USP15: variants seen among roughly 807,000 people sequenced by gnomAD.
USP15 encodes ubiquitin specific peptidase 15.
A neutral mutation model predicts 127.1 loss-of-function variants in USP15; 18 were observed. The observed-to-expected ratio is 0.14, with a 90% CI of 0.10 to 0.21. The LOEUF (loss-of-function observed/expected upper bound fraction) is 0.21, where lower values mean the gene tolerates loss of function less well. Ranked by LOEUF, USP15 falls within the 10% of genes least tolerant of loss-of-function variation. The pLI, the probability that USP15 is intolerant of heterozygous loss-of-function variation, is 1.00. For missense variants in USP15, 805 were observed against 1,159.9 expected (o/e 0.69, Z 4.44); for synonymous variants, 364 against 393.7 (o/e 0.92, Z 0.89).
At chr12:62,379,686 A>G (rs548988621) in intron 8 of USP15, among the ~76,000 whole-genome samples, 1 of 152,234 alleles carries the variant, frequency 6.6e-6, no homozygotes, top group African/African-American at 2.4e-5. Context: ...AGCTGATCAA[A>G]TATAAGAAGC....
intron 3 of USP15, among the ~76,000 whole-genome samples, chr12:62,306,514 A>G (rs1334876846): frequency 1.3e-5 from 2 of 152,182 alleles, no homozygotes; most frequent in African/African-American, 4.8e-5. Flanking sequence ...ATACAGTGGT[A>G]GAGTAAGTTT....
intron 1 of USP15, among the ~76,000 whole-genome samples, chr12:62,269,362 G>A (rs2063286742): frequency 6.6e-6 from 1 of 151,994 alleles, no homozygotes; most frequent in Admixed American, 6.6e-5. Context: ...ATATATGTGT[G>A]TGTGTGTATA....
intron 8 of USP15, among the ~76,000 whole-genome samples, chr12:62,370,189 C>T (rs2066617801): frequency 6.6e-6 from 1 of 152,130 alleles, no homozygotes; most frequent in Non-Finnish European, 1.5e-5. Flanking sequence ...TCTCGGCCTC[C>T]CAAAGTGCTG....
intron 20 of USP15, among the ~76,000 whole-genome samples, chr12:62,397,705 A>C (rs187142916): frequency 6.6e-6 from 1 of 151,808 alleles, no homozygotes; most frequent in East Asian, 2.0e-4. Flanking sequence ...AAAAATACAA[A>C]AATTAGTTGG....
chr12:62,350,043 C>T (rs1030132705), intron 7 of USP15, among the ~76,000 whole-genome samples: 5 of 150,910 alleles, frequency 3.3e-5, no homozygotes, highest in African/African-American at 1.2e-4. Context: ...ATGTATAGTG[C>T]CTTTTATGGA....
chr12:62,371,797 G>A (rs931806763), intron 8 of USP15, among the ~76,000 whole-genome samples: 6 of 152,124 alleles, frequency 3.9e-5, no homozygotes, highest in South Asian at 4.1e-4. Flanking sequence ...GTATTTTGCT[G>A]TGGAGCTAAT....
At chr12:62,312,069 A>G (rs902183818) in intron 3 of USP15, among the ~76,000 whole-genome samples, 4 of 151,700 alleles carry the variant, frequency 2.6e-5, no homozygotes, top group African/African-American at 9.7e-5. Context: ...GTATTTATCT[A>G]CTTCTCTGTC....
intron 8 of USP15, among the ~76,000 whole-genome samples, chr12:62,366,815 T>C (rs2066489806): frequency 6.6e-6 from 1 of 152,198 alleles, no homozygotes; most frequent in East Asian, 1.9e-4. Flanking sequence ...ATTCATGTGG[T>C]TTTTGTCATT....
chr12:62,351,668 T>G (rs1437146640), intron 7 of USP15, among the ~76,000 whole-genome samples: 7 of 152,008 alleles, frequency 4.6e-5, no homozygotes, highest in South Asian at 2.1e-4. Flanking sequence ...AGTCTTAAGT[T>G]TGAATGATTC....
chr12:62,341,545 C>T (rs2065649630), intron 6 of USP15, among the ~76,000 whole-genome samples: 1 of 152,134 alleles, frequency 6.6e-6, no homozygotes, highest in African/African-American at 2.4e-5. Context: ...TTTAGTGCTT[C>T]CTTCAGGAAT....
intron 6 of USP15, chr12:62,336,723 A>G (rs2065478121): frequency 1.2e-5 from 2 of 164,050 alleles, no homozygotes; most frequent in South Asian, 2.0e-4. Context: ...TTTCTTTACT[A>G]TCTGACTGAA....
At chr12:62,347,015 T>C (rs1199859638) in intron 6 of USP15, among the ~76,000 whole-genome samples, 6 of 150,706 alleles carry the variant, frequency 4.0e-5, no homozygotes, top group Non-Finnish European at 6.0e-5. Flanking sequence ...GAATTTGTTA[T>C]CATACTTGTA....
intron 1 of USP15, among the ~76,000 whole-genome samples, chr12:62,290,604 T>C (rs1310598005): frequency 6.6e-6 from 1 of 152,232 alleles, no homozygotes; most frequent in East Asian, 1.9e-4. Context: ...AACTCATTTA[T>C]GTTTAAGGTA....
chr12:62,303,164 G>A lies in USP15; in HGVS notation c.348+244G>A, dbSNP rs1045175195. 1.5e-5 allele frequency: 4 copies of A among 275,834 alleles called. No individual in the cohort carries two copies. The East Asian group carries it at 1.9e-4, about 13-fold the overall frequency. The allele number at this position is 275,834 out of a possible 1,614,324, so 17.1% of individuals were successfully genotyped here. Reference sequence around the variant, plus strand: ...ATAGAGAGAAAACTCTGTAAGGTAAGTAGTAGGAAATGAGGATAAAAAGTT... The same window carrying A: ...ATAGAGAGAAAACTCTGTAAGGTAAATAGTAGGAAATGAGGATAAAAAGTT... On this transcript the variant is annotated intron_variant, in intron 3 of 21. Transcript: ENST00000280377.
At chr12:62,388,053 A>C (rs2067207728) in intron 11 of USP15, among the ~76,000 whole-genome samples, 1 of 151,930 alleles carries the variant, frequency 6.6e-6, no homozygotes, top group South Asian at 2.1e-4. Flanking sequence ...TTTTGAGATG[A>C]AATAGGTATT....
intron 6 of USP15, chr12:62,335,315 A>G: frequency 6.8e-7 from 1 of 1,464,834 alleles, no homozygotes; most frequent in African/African-American, 1.4e-5. Context: ...GCTAGATTGG[A>G]CCATGTGTAA....
rs201976854 is a variant in USP15 at position 62,314,958 on chromosome 12, G to A, written c.475+42G>A. 3.4e-6 allele frequency: 5 copies of A among 1,467,522 alleles called. No homozygotes were observed. In the African/African-American group the frequency reaches 7.2e-5, roughly 21 times the overall value. 90.9% of individuals were successfully genotyped at this position (1,467,522 alleles called of 1,614,324 possible). A position where few individuals can be genotyped will look rare whatever the true frequency, so the allele number is the denominator to read the frequency against. On this transcript the variant is annotated intron_variant, in intron 4 of 21. Coordinates refer to ENST00000280377, the MANE Select transcript of USP15 (RefSeq NM_001252078.2). ...TCTTGTTTTTAATCCATTGCTATTA[G>A]ATATTTAATTAGAATTATCTTTGTA... is the stretch of plus-strand genomic sequence containing the variant.
At chr12:62,362,012 A>G (rs190445272) in intron 8 of USP15, among the ~76,000 whole-genome samples, 1 of 152,166 alleles carries the variant, frequency 6.6e-6, no homozygotes, top group East Asian at 1.9e-4. Flanking sequence ...TGCATAATGC[A>G]GGTTATTTTT....
intron 3 of USP15, chr12:62,304,651 C>A: frequency 2.3e-6 from 1 of 443,962 alleles, no homozygotes; most frequent in Admixed American, 2.5e-5. Context: ...CCTCAAAGAT[C>A]TCTAAAATGC....
Sources: allele counts gnomAD v4.1 joint callset (sites outside exome capture counted in the v4.1 genomes callset), GRCh38; gene constraint gnomAD v4.1.1; transcripts MANE v1.5; gene names NCBI Gene and HGNC (gene_info 2026-07-23, HGNC 2026-07-21).